The following GNAI1 variants were observed in gnomAD, a reference collection of about 807,000 sequenced individuals.
GNAI1 encodes the protein G protein subunit alpha i1.
Under a neutral mutation model 38.9 loss-of-function variants are expected in GNAI1, and 11 were observed. The observed-to-expected ratio is 0.28, with a 90% CI of 0.18 to 0.47. The LOEUF (loss-of-function observed/expected upper bound fraction) is 0.47. GNAI1 is among the 20% of genes least tolerant of loss of function. GNAI1 has a pLI of 0.99. For synonymous variants in GNAI1, 166 were observed against 145.1 expected, an observed-to-expected ratio of 1.14 and a Z score of -1.04; for missense variants, 317 against 436.9, an observed-to-expected ratio of 0.73 and a Z score of 2.45.
chr7:80,138,262 G>A (rs1355767551), intron 1 of GNAI1, among the ~76,000 whole-genome samples: 1 of 152,120 alleles, frequency 6.6e-6, no homozygotes, highest in Non-Finnish European at 1.5e-5. Flanking sequence ...ATTTAGATAT[G>A]AGACTTGCAC....
At position 80,199,240 on chromosome 7, in the gene GNAI1, C is replaced by A; in HGVS notation, c.319C>A (p.Leu107Ile). The change falls in exon 4 of 8, where the codon CTC becomes ATC. Residue 107 changes from leucine (L) to isoleucine (I), a missense_variant. Coordinates refer to ENST00000649796, the MANE Select transcript of GNAI1 (RefSeq NM_002069.6). Reference sequence around the variant, plus strand: ...GAATGTTCAGGATGATGCACGCCAACTCTTTGTGCTAGCTGGAGCTGCTGA... The same window carrying A: ...GAATGTTCAGGATGATGCACGCCAAATCTTTGTGCTAGCTGGAGCTGCTGA... ...DSARADDARQ[L>I]FVLAGAAEEG... 1 of 1,611,140 alleles carries A rather than the reference C, an allele frequency of 6.2e-7. No individual in the cohort carries two copies. Among genetic ancestry groups the A allele is most frequent in the East Asian group, 2.2e-5 (1 of 44,810 alleles).
At chr7:80,164,815 T>C (rs1787985457) in intron 1 of GNAI1, among the ~76,000 whole-genome samples, 1 of 152,312 alleles carries the variant, frequency 6.6e-6, no homozygotes, top group African/African-American at 2.4e-5. Context: ...TACCAGTAAT[T>C]GGAGAAGCAA....
chr7:80,176,556 C>T (rs541956507), intron 1 of GNAI1, among the ~76,000 whole-genome samples: 41 of 152,280 alleles, frequency 2.7e-4, no homozygotes, highest in African/African-American at 9.9e-4. Context: ...GACAGACTTA[C>T]TCTCTTGTTA....
chr7:80,175,053 T>G (rs557562282), intron 1 of GNAI1, among the ~76,000 whole-genome samples: 28 of 152,340 alleles, frequency 1.8e-4, no homozygotes, highest in Non-Finnish European at 3.1e-4. Flanking sequence ...AAAGCAGTTG[T>G]ATGAATGTTT....
chr7:80,156,193 T>A (rs1584013951), intron 1 of GNAI1, among the ~76,000 whole-genome samples: 1 of 152,156 alleles, frequency 6.6e-6, no homozygotes, highest in African/African-American at 2.4e-5. Flanking sequence ...CATAATCTTC[T>A]CACTTTTCCA....
rs71518978 is a variant in GNAI1 at position 80,221,636 on chromosome 7, CTTTTTTTTTTTTTTTT to C, written c.*4153_*4168del. On this transcript the variant is annotated 3_prime_UTR_variant, in exon 8 of 8. Coordinates refer to ENST00000649796, the MANE Select transcript of GNAI1 (RefSeq NM_002069.6). ...ATTTTAATGTTAGGTTGGAAATTTT[CTTTTTTTTTTTTTTTT>C]TTTTTTTTTGGTATGGAGTCTTGCT... 2.1e-5 allele frequency among the ~76,000 whole-genome samples: 2 copies of C among 94,354 alleles called. No individual in the cohort carries two copies. Among genetic ancestry groups the C allele is most frequent in the Non-Finnish European group, 2.0e-5 (1 of 50,536 alleles). 61.9% of individuals were successfully genotyped at this position (94,354 alleles called of 152,430 possible).
At chr7:80,156,418 C>A (rs190113945) in intron 1 of GNAI1, among the ~76,000 whole-genome samples, 2 of 152,038 alleles carry the variant, frequency 1.3e-5, no homozygotes, top group African/African-American at 2.4e-5. Context: ...ATCATGTCTA[C>A]CCTTATAAAG....
intron 7 of GNAI1, among the ~76,000 whole-genome samples, chr7:80,214,832 C>T (rs1355115750): frequency 1.3e-5 from 2 of 152,174 alleles, no homozygotes; most frequent in East Asian, 1.9e-4. Context: ...TCTGCAGTCA[C>T]GTCATCTTAG....
chr7:80,135,651 C>CCT (rs1554345562), intron 1 of GNAI1: 1 of 150,294 alleles, frequency 6.7e-6, no homozygotes, highest in Non-Finnish European at 1.3e-5. Flanking sequence ...TGAAAACACC[C>CCT]CCCCCCCCGC....
intron 4 of GNAI1, among the ~76,000 whole-genome samples, chr7:80,201,057 T>C (rs762359207): frequency 2.0e-5 from 3 of 152,244 alleles, no homozygotes; most frequent in Admixed American, 6.5e-5. Flanking sequence ...TTACCTAATA[T>C]TGTATTCCCA....
At chr7:80,206,164 A>G (rs1246983293) in intron 5 of GNAI1, among the ~76,000 whole-genome samples, 7 of 152,036 alleles carry the variant, frequency 4.6e-5, no homozygotes, top group Non-Finnish European at 1.0e-4. Flanking sequence ...CAGGTGGTTC[A>G]TGTAATTGAA....
At chr7:80,200,289 G>A (rs1173075810) in intron 4 of GNAI1, among the ~76,000 whole-genome samples, 1 of 114,098 alleles carries the variant, frequency 8.8e-6, no homozygotes, top group Non-Finnish European at 1.6e-5. Flanking sequence ...TCGTACCACT[G>A]CACTCCAGCC....
At chr7:80,163,038 G>A (rs1024389714) in intron 1 of GNAI1, among the ~76,000 whole-genome samples, 2 of 152,124 alleles carry the variant, frequency 1.3e-5, no homozygotes, top group East Asian at 3.9e-4. Context: ...ATAGATTCAA[G>A]GAAGACTTAG....
At chr7:80,217,213 T>TTCAGTTTCATATGTATGAAG in intron 7 of GNAI1, 90 bp from the exon 8 acceptor site, 1 of 816,270 alleles carries the variant, frequency 1.2e-6, no homozygotes. Flanking sequence ...TGAAACTGAC[T>TTCAGTTTCATATGTATGAAG]TCAGTTTCAT....
chr7:80,155,991 C>T (rs989715259), intron 1 of GNAI1, among the ~76,000 whole-genome samples: 4 of 140,634 alleles, frequency 2.8e-5, no homozygotes, highest in Non-Finnish European at 4.5e-5. Flanking sequence ...TGCAGTGAGC[C>T]GAGATCACAC....
At chr7:80,207,868 A>G (rs1014323033) in intron 5 of GNAI1, among the ~76,000 whole-genome samples, 9 of 152,118 alleles carry the variant, frequency 5.9e-5, no homozygotes, top group Non-Finnish European at 1.2e-4. Flanking sequence ...GCCAGTGTCT[A>G]TGTGGATCAT....
In GNAI1 at chr7:80,145,336, A is replaced by G. The variant is rs1375063947; in HGVS notation, c.118+10058A>G. 2.0e-5 allele frequency among the ~76,000 whole-genome samples: 3 copies of G among 152,154 alleles called. No individual in the cohort carries two copies. The East Asian group carries it at 5.8e-4, about 29-fold the overall frequency. ...TTGAGAAATAGGCAGTCATGTAACC[A>G]TATCAATCTATATATTTTTTAAAGA... On this transcript the variant is annotated intron_variant, in intron 1 of 7. Coordinates refer to ENST00000649796, the MANE Select transcript of GNAI1 (RefSeq NM_002069.6).
chr7:80,156,073 C>A (rs189353062), intron 1 of GNAI1, among the ~76,000 whole-genome samples: 144 of 144,200 alleles, frequency 1.0e-3, no homozygotes, highest in Non-Finnish European at 1.3e-3. Context: ...AGAAAGAAAG[C>A]AAGCTGATGT....
chr7:80,186,009 C>T (rs1266973536), intron 1 of GNAI1, among the ~76,000 whole-genome samples: 3 of 146,968 alleles, frequency 2.0e-5, no homozygotes, highest in Non-Finnish European at 4.5e-5. Flanking sequence ...GTTAATAAGA[C>T]TGCCATCCGC....
Sources: gnomAD v4.1 joint callset for allele counts (sites outside exome capture counted in the v4.1 genomes callset) on GRCh38, gnomAD v4.1.1 for gene constraint, MANE v1.5 for transcripts, NCBI Gene and HGNC (gene_info 2026-07-23, HGNC 2026-07-21) for gene names.